Variants in TBC1D5 observed in about 807,000 individuals in gnomAD.
TBC1D5 encodes the protein TBC1 domain family, member 5.
TBC1D5 carries 75 observed loss-of-function variants against 100.3 expected under a neutral mutation model. The observed-to-expected ratio is 0.75, with a 90% CI of 0.62 to 0.91. The LOEUF (loss-of-function observed/expected upper bound fraction) is 0.91, where lower values mean the gene tolerates loss of function less well. Ranked by LOEUF, TBC1D5 falls within the 40% of genes least tolerant of loss-of-function variation. The pLI is 0.00. For synonymous variants in TBC1D5, 323 were observed against 325.6 expected, an observed-to-expected ratio of 0.99 and a Z score of 0.09; for missense variants, 910 against 942.4, an observed-to-expected ratio of 0.97 and a Z score of 0.45.
chr3:17,625,535 C>A (rs527497117), intron 1 of TBC1D5, among the ~76,000 whole-genome samples: 48 of 152,022 alleles, frequency 3.2e-4, no homozygotes, highest in Non-Finnish European at 6.6e-4. Flanking sequence ...TCATCTCCAA[C>A]TGGACAAAGA....
chr3:17,335,447 G>A (rs1021725131), intron 13 of TBC1D5, among the ~76,000 whole-genome samples: 1 of 152,032 alleles, frequency 6.6e-6, no homozygotes, highest in Non-Finnish European at 1.5e-5. Flanking sequence ...AGTGCAATCA[G>A]TGACTCCACA....
intron 2 of TBC1D5, among the ~76,000 whole-genome samples, chr3:17,605,659 C>T (rs1239223802): frequency 6.6e-6 from 1 of 152,138 alleles, no homozygotes; most frequent in Non-Finnish European, 1.5e-5. Context: ...ATTTTATCTA[C>T]TTCTATGATT....
Position 17,585,703 on chromosome 3 carries a change from G to A in TBC1D5, c.-36+38146C>T, listed in dbSNP as rs191531132. ...GATCTAAAGCTGGGTTTCTGAAACT[G>A]CATAAGTGACACATACCAGGAAGCA... On this transcript the variant is annotated intron_variant, in intron 2 of 21. Transcript: ENST00000253692. 3.5e-3 allele frequency among the ~76,000 whole-genome samples: 533 copies of A among 152,284 alleles called. 4 individuals are homozygous for A. The highest frequency in any genetic ancestry group is 0.012 in the African/African-American group (505 of 41,560).
intron 1 of TBC1D5, among the ~76,000 whole-genome samples, chr3:17,693,607 A>C (rs997379626): frequency 2.5e-4 from 38 of 152,268 alleles, no homozygotes; most frequent in Admixed American, 4.6e-4. Context: ...AGCCCACTGC[A>C]GCTCAGCACA....
chr3:17,521,363 G>C (rs1344649687), intron 2 of TBC1D5, among the ~76,000 whole-genome samples: 1 of 152,126 alleles, frequency 6.6e-6, no homozygotes, highest in African/African-American at 2.4e-5. Context: ...TCCGCTAAAT[G>C]AATAGTAAAT....
chr3:17,339,865 C>G (rs1324406871), intron 13 of TBC1D5, among the ~76,000 whole-genome samples: 1 of 152,008 alleles, frequency 6.6e-6, no homozygotes, highest in Non-Finnish European at 1.5e-5. Flanking sequence ...CAAACACATA[C>G]CTTGCAGTAG....
rs374221504 is a variant in TBC1D5, at chr3:17,728,389, A to G, written c.-101+10954T>C. Among the ~76,000 whole-genome samples the G allele has an allele frequency of 1.9e-4, 29 of 152,368 alleles. No individual in the cohort carries two copies. In the South Asian group the frequency reaches 6.0e-3, roughly 32 times the overall value. On this transcript the variant is annotated intron_variant, in intron 1 of 21. Coordinates refer to ENST00000253692, the Ensembl canonical transcript of TBC1D5. ...TAGAAAACCAAAGAGAATCAACTGA[A>G]AAACTATCAAAAATCATGAAAGTAA...
intron 1 of TBC1D5, among the ~76,000 whole-genome samples, chr3:17,637,146 G>C (rs1182374204): frequency 6.8e-6 from 1 of 147,254 alleles, no homozygotes; most frequent in East Asian, 2.0e-4. Flanking sequence ...CTCAGCCTCA[G>C]GAGTAGCTGG....
intron 15 of TBC1D5, among the ~76,000 whole-genome samples, chr3:17,270,516 G>A (rs2079293113): frequency 6.6e-6 from 1 of 152,126 alleles, no homozygotes; most frequent in South Asian, 2.1e-4. Context: ...TTACTTCACT[G>A]TAAGTGAGCA....
chr3:17,568,228 A>G (rs552719017), intron 2 of TBC1D5, among the ~76,000 whole-genome samples: 72 of 151,572 alleles, frequency 4.8e-4, no homozygotes, highest in African/African-American at 1.7e-3. Context: ...TTCACTACCA[A>G]TTTATATTTA....
intron 18 of TBC1D5, among the ~76,000 whole-genome samples, chr3:17,187,027 C>T (rs1055164060): frequency 6.6e-6 from 1 of 152,074 alleles, no homozygotes; most frequent in Non-Finnish European, 1.5e-5. Flanking sequence ...TTTTTCTACT[C>T]TTTTTCTCAC....
chr3:17,303,288 A>G (rs1469264228), intron 14 of TBC1D5, among the ~76,000 whole-genome samples: 3 of 152,316 alleles, frequency 2.0e-5, no homozygotes, highest in South Asian at 4.1e-4. Context: ...TCTTCCTTTG[A>G]AGTTAATGCC....
chr3:17,569,780 T>C (rs1161409336), intron 2 of TBC1D5, among the ~76,000 whole-genome samples: 1 of 151,200 alleles, frequency 6.6e-6, no homozygotes, highest in East Asian at 1.9e-4. Context: ...TATATATTTG[T>C]AAATATATAA....
chr3:17,184,113 A>G (rs576692534), intron 19 of TBC1D5, among the ~76,000 whole-genome samples: 5 of 152,392 alleles, frequency 3.3e-5, no homozygotes, highest in South Asian at 4.1e-4. Context: ...TGTAAGCAGC[A>G]TGGAGTTACT....
At chr3:17,389,263 C>T (rs1305870854) in intron 8 of TBC1D5, among the ~76,000 whole-genome samples, 2 of 152,056 alleles carry the variant, frequency 1.3e-5, no homozygotes, top group Non-Finnish European at 2.9e-5. Flanking sequence ...TTATCAGATT[C>T]AGGTTCAAGT....
chr3:17,698,379 T>TA (rs1384504521), intron 1 of TBC1D5, among the ~76,000 whole-genome samples: 1 of 151,564 alleles, frequency 6.6e-6, no homozygotes, highest in Non-Finnish European at 1.5e-5. Flanking sequence ...TTACACCTTA[T>TA]ACAAAAATCA....
intron 3 of TBC1D5, among the ~76,000 whole-genome samples, chr3:17,456,563 G>C (rs190941080): frequency 2.0e-4 from 31 of 152,230 alleles, no homozygotes; most frequent in Admixed American, 2.6e-4. Context: ...TCAACATACC[G>C]ATCATCAGAG....
At chr3:17,640,131 G>A (rs2064354269) in intron 1 of TBC1D5, among the ~76,000 whole-genome samples, 1 of 151,992 alleles carries the variant, frequency 6.6e-6, no homozygotes, top group South Asian at 2.1e-4. Flanking sequence ...GAGTCCACCA[G>A]TATAACAATA....
rs1444109121 is a variant in TBC1D5 at position 17,175,124 on chromosome 3, G to A, written c.1853-7296C>T. 2.0e-5 allele frequency among the ~76,000 whole-genome samples: 3 copies of A among 152,220 alleles called. No homozygotes were observed. In the East Asian group the frequency reaches 5.8e-4, roughly 29 times the overall value. On this transcript the variant is annotated intron_variant, in intron 19 of 21. Coordinates refer to ENST00000253692, the Ensembl canonical transcript of TBC1D5. ...TCATTGATGGTCTATTAAGAGCCAA[G>A]TTAATTTTCTTAAAAAGCAAAATGA...
Sources: gnomAD v4.1 joint callset for allele counts (sites outside exome capture counted in the v4.1 genomes callset) on GRCh38, gnomAD v4.1.1 for gene constraint, MANE v1.5 for transcripts, NCBI Gene and HGNC (gene_info 2026-07-23, HGNC 2026-07-21) for gene names.